Variants in KCNIP4 observed in about 807,000 individuals in gnomAD.
KCNIP4 encodes potassium voltage-gated channel interacting protein 4, also known as Kv channel-interacting protein 4.
Under a neutral mutation model 34.0 loss-of-function variants are expected in KCNIP4, and 12 were observed. The observed-to-expected ratio is 0.35, with a 90% confidence interval of 0.23 to 0.57. The LOEUF (loss-of-function observed/expected upper bound fraction) is 0.57, where lower values mean the gene tolerates loss of function less well. Ranked by LOEUF, KCNIP4 falls within the 20% of genes least tolerant of loss-of-function variation. KCNIP4 has a pLI of 0.83. For missense variants in KCNIP4, 238 were observed against 311.7 expected, an observed-to-expected ratio of 0.76 and a Z score of 1.78; for synonymous variants, 124 against 102.2, an observed-to-expected ratio of 1.21 and a Z score of -1.29.
At chr4:20,867,350 G>A (rs114252718) in intron 2 of KCNIP4, among the ~76,000 whole-genome samples, 1,900 of 152,004 alleles carry the variant, frequency 0.012, 49 homozygotes, top group African/African-American at 0.043. Context: ...AAACAGAATA[G>A]AAAACCCAGA....
intron 1 of KCNIP4, among the ~76,000 whole-genome samples, chr4:21,314,871 T>C (rs1713563937): frequency 1.3e-5 from 2 of 152,220 alleles, no homozygotes; most frequent in Non-Finnish European, 2.9e-5. Context: ...ACACTGTAGC[T>C]TGGGGCTCCA....
At position 21,807,834 on chromosome 4, in the gene KCNIP4, G is replaced by A. The variant is rs181671071; in HGVS notation, c.61+140737C>T. 8.5e-3 allele frequency among the ~76,000 whole-genome samples: 1,287 copies of A among 152,222 alleles called. 14 individuals carry two copies. The highest frequency in any genetic ancestry group is 0.028 in the South Asian group (137 of 4,818). ...TAGATCCTCATGCATCATCAATCAA[G>A]GGTAAATTTAGCAAATTGAAGCCTT... On this transcript the variant is annotated intron_variant, in intron 1 of 8. Coordinates refer to ENST00000382152, the MANE Select transcript of KCNIP4 (RefSeq NM_025221.6).
At chr4:21,073,336 A>G (rs1298003441) in intron 1 of KCNIP4, among the ~76,000 whole-genome samples, 5 of 152,148 alleles carry the variant, frequency 3.3e-5, no homozygotes, top group Non-Finnish European at 7.4e-5. Context: ...AGTGGTTTGT[A>G]GTTCTCCTTG....
At chr4:21,460,373 T>C (rs1156271892) in intron 1 of KCNIP4, among the ~76,000 whole-genome samples, 1 of 152,092 alleles carries the variant, frequency 6.6e-6, no homozygotes, top group African/African-American at 2.4e-5. Context: ...CACATTTGCT[T>C]GTCTCCATTG....
chr4:21,284,380 T>C (rs1762972440), intron 1 of KCNIP4, among the ~76,000 whole-genome samples: 1 of 152,184 alleles, frequency 6.6e-6, no homozygotes, highest in African/African-American at 2.4e-5. Flanking sequence ...TACTTTGAAC[T>C]GGCCAAGCTG....
Position 21,872,458 on chromosome 4 carries a change from T to G in KCNIP4, c.61+76113A>C, listed in dbSNP as rs908800076. Among the ~76,000 whole-genome samples the G allele has an allele frequency of 2.6e-5, 4 of 152,292 alleles. No homozygotes were observed. The East Asian group carries it at 7.7e-4, about 29-fold the overall frequency. ...AGGCTAAAGAGAAGCAGCAGGCGTTTTGACGATTGTAGGTATGAATAGACT... is the reference window on the plus strand; with the variant it reads ...AGGCTAAAGAGAAGCAGCAGGCGTTGTGACGATTGTAGGTATGAATAGACT... On this transcript the variant is annotated intron_variant, in intron 1 of 8. Transcript: ENST00000382152.
intron 1 of KCNIP4, among the ~76,000 whole-genome samples, chr4:21,389,073 C>A (rs1375416037): frequency 6.6e-6 from 1 of 151,792 alleles, no homozygotes; most frequent in Non-Finnish European, 1.5e-5. Flanking sequence ...CAGCCTTGAC[C>A]TCCCTGGGCT....
intron 1 of KCNIP4, among the ~76,000 whole-genome samples, chr4:21,422,278 G>T (rs1176016196): frequency 6.7e-6 from 1 of 150,084 alleles, no homozygotes. Flanking sequence ...TCGGCTCACT[G>T]CAACCTCCGC....
intron 1 of KCNIP4, among the ~76,000 whole-genome samples, chr4:21,370,818 T>C (rs1720296123): frequency 4.2e-5 from 1 of 23,642 alleles, no homozygotes; most frequent in African/African-American, 2.8e-4. Context: ...TATATATATA[T>C]ATATATATAT....
rs772689134 is a variant in KCNIP4, at chr4:21,025,543, G to GTTTTTTTTTTTTT, written c.62-142847_62-142835dup. ...TGCAAAAAGGTCACTCATTGATACT[G>GTTTTTTTTTTTTT]TTTTTTTTTTTTTTTTTTTTTTTTT... On this transcript the variant is annotated intron_variant, in intron 1 of 8. Transcript: ENST00000382152. Among the ~76,000 whole-genome samples the GTTTTTTTTTTTTT allele has an allele frequency of 5.7e-5, 2 of 34,786 alleles. 1 individual carries two copies. The allele number at this position is 34,786 out of a possible 152,430, so 22.8% of individuals were successfully genotyped here. A position where few individuals can be genotyped will look rare whatever the true frequency, so the allele number is the denominator to read the frequency against.
intron 1 of KCNIP4, among the ~76,000 whole-genome samples, chr4:21,375,926 A>C (rs1023862388): frequency 1.3e-5 from 2 of 152,152 alleles, no homozygotes; most frequent in African/African-American, 4.8e-5. Flanking sequence ...ACGTTCAAAA[A>C]GGTACCTTTC....
At chr4:21,889,455 T>C (rs922082449) in intron 1 of KCNIP4, among the ~76,000 whole-genome samples, 1 of 152,048 alleles carries the variant, frequency 6.6e-6, no homozygotes, top group African/African-American at 2.4e-5. Flanking sequence ...GTACTATTAA[T>C]AGCTACCTGA....
intron 1 of KCNIP4, among the ~76,000 whole-genome samples, chr4:21,584,722 C>A (rs1259639111): frequency 6.6e-6 from 1 of 152,008 alleles, no homozygotes; most frequent in African/African-American, 2.4e-5. Context: ...TGTCTGTCAA[C>A]CTTCAAAGCT....
intron 1 of KCNIP4, among the ~76,000 whole-genome samples, chr4:21,354,524 A>ACC (rs1199148792): frequency 6.6e-6 from 1 of 152,170 alleles, no homozygotes; most frequent in Non-Finnish European, 1.5e-5. Context: ...TAGGCTTTAA[A>ACC]CCAACAAAGA....
intron 1 of KCNIP4, among the ~76,000 whole-genome samples, chr4:21,223,010 G>T (rs1758091850): frequency 6.6e-6 from 1 of 152,160 alleles, no homozygotes; most frequent in Non-Finnish European, 1.5e-5. Flanking sequence ...GCCTCCCAAA[G>T]ATGTCCACAT....
intron 1 of KCNIP4, among the ~76,000 whole-genome samples, chr4:21,266,837 G>T (rs1156705394): frequency 6.6e-6 from 1 of 152,158 alleles, no homozygotes; most frequent in East Asian, 1.9e-4. Context: ...GGAGAGTGAT[G>T]CAATCATAAT....
intron 1 of KCNIP4, among the ~76,000 whole-genome samples, chr4:21,229,944 AT>A (rs1457601526): frequency 2.0e-5 from 3 of 152,158 alleles, no homozygotes; most frequent in African/African-American, 7.2e-5. Context: ...AAGCAACTGT[AT>A]TGGGTTAAAT....
At chr4:20,927,849 T>A (rs1383898254) in intron 1 of KCNIP4, among the ~76,000 whole-genome samples, 2 of 152,176 alleles carry the variant, frequency 1.3e-5, no homozygotes, top group East Asian at 1.9e-4. Context: ...TTTAAGTGTA[T>A]TTTTAGAGCC....
rs142431793 is a variant in KCNIP4 at position 21,349,729 on chromosome 4, G to A, written c.62-467020C>T. On this transcript the variant is annotated intron_variant, in intron 1 of 8. Coordinates refer to ENST00000382152, the MANE Select transcript of KCNIP4 (RefSeq NM_025221.6). ...TTAAAGGTAGAGTGTGCAGGGGCAG[G>A]TAACCCACAGTTCTCCCTGTACTCA... Among the ~76,000 whole-genome samples the A allele has an allele frequency of 7.4e-4, 112 of 152,228 alleles. No individual in the cohort carries two copies. The Middle Eastern group carries it at 0.01, about 14-fold the overall frequency.
Sources: gnomAD v4.1 joint callset for allele counts (sites outside exome capture counted in the v4.1 genomes callset) on GRCh38, gnomAD v4.1.1 for gene constraint, MANE v1.5 for transcripts, NCBI Gene and HGNC (gene_info 2026-07-23, HGNC 2026-07-21) for gene names.